EFCAB8: variants seen among roughly 807,000 people sequenced by gnomAD.
The protein encoded by EFCAB8 is EF-hand calcium binding domain 8.
In EFCAB8, 100 loss-of-function variants were observed where a neutral mutation model predicts 116.3. The observed-to-expected ratio is 0.86, with a 90% CI of 0.73 to 1.02. EFCAB8 has a LOEUF of 1.02. Ranked by LOEUF, EFCAB8 falls within the 50% of genes least tolerant of loss-of-function variation. The pLI, the probability that EFCAB8 is intolerant of heterozygous loss-of-function variation, is 0.00. For missense variants in EFCAB8, 1,320 were observed against 1,416.9 expected, an observed-to-expected ratio of 0.93 and a Z score of 1.10; for synonymous variants, 558 against 567.9, an observed-to-expected ratio of 0.98 and a Z score of 0.25.
chr20:32,861,840 A>G (rs1347855832), intron 1 of EFCAB8, among the ~76,000 whole-genome samples: 1 of 152,194 alleles, frequency 6.6e-6, no homozygotes, highest in African/African-American at 2.4e-5. Flanking sequence ...GACTGCTATT[A>G]ATTTTGGAGT....
chr20:32,908,551 T>C, intron 14 of EFCAB8, 139 bp downstream of exon 14: 3 of 931,784 alleles, frequency 3.2e-6, no homozygotes, highest in Non-Finnish European at 4.2e-6. Flanking sequence ...TGGCCTGGCC[T>C]GTGAGGGGCC....
At chr20:32,950,486 G>A (rs945871241) in intron 23 of EFCAB8, among the ~76,000 whole-genome samples, 1 of 152,140 alleles carries the variant, frequency 6.6e-6, no homozygotes, top group Non-Finnish European at 1.5e-5. Context: ...TGAGAGGGGC[G>A]GCTGGCTGAG....
chr20:32,928,170 A>G (rs1338294972), intron 20 of EFCAB8, among the ~76,000 whole-genome samples: 1 of 152,180 alleles, frequency 6.6e-6, no homozygotes, highest in Non-Finnish European at 1.5e-5. Context: ...ACTATTGTCA[A>G]TGGAATTATT....
chr20:32,912,877 C>CATGTA lies in EFCAB8; in HGVS notation c.1856+14_1856+18dup. 1.4e-6 allele frequency: 1 copy of CATGTA among 718,486 alleles called. No individual in the cohort carries two copies. Among genetic ancestry groups the CATGTA allele is most frequent in the South Asian group, 1.5e-5 (1 of 67,508 alleles). 44.5% of individuals were successfully genotyped at this position (718,486 alleles called of 1,614,324 possible). Reference sequence around the variant, plus strand: ...TCACTCATTTCCTGTGAGTAGAAAGCATGTATGGTGAGTAGGTTCCAGTAG... The same window carrying CATGTA: ...TCACTCATTTCCTGTGAGTAGAAAGCATGTAATGTATGGTGAGTAGGTTCCAGTAG... On this transcript the variant is annotated intron_variant, in intron 17 of 26. Transcript: ENST00000400522.
intron 7 of EFCAB8, among the ~76,000 whole-genome samples, chr20:32,890,036 G>C (rs1020776834): frequency 3.4e-5 from 5 of 147,350 alleles, no homozygotes; most frequent in Admixed American, 6.8e-5. Context: ...CCTGCATGCC[G>C]CGCTTCCCTG....
chr20:32,891,295 G>A (rs1985899664), intron 7 of EFCAB8, among the ~76,000 whole-genome samples: 1 of 152,124 alleles, frequency 6.6e-6, no homozygotes, highest in Non-Finnish European at 1.5e-5. Context: ...ATTCTGGTTC[G>A]ATGATGGGCT....
At chr20:32,959,084 C>G (rs143275613) in intron 24 of EFCAB8, among the ~76,000 whole-genome samples, 210 of 152,310 alleles carry the variant, frequency 1.4e-3, no homozygotes, top group African/African-American at 4.7e-3. Context: ...CTGGTTCATT[C>G]AAGAAAATGT....
intron 2 of EFCAB8, among the ~76,000 whole-genome samples, chr20:32,865,894 A>C (rs564134763): frequency 6.6e-6 from 1 of 151,924 alleles, no homozygotes; most frequent in South Asian, 2.1e-4. Flanking sequence ...AGTGGTGGTC[A>C]TTGTACTTGT....
intron 1 of EFCAB8, 107 bp from the exon 2 acceptor site, chr20:32,863,676 C>G: frequency 9.0e-7 from 1 of 1,105,134 alleles, no homozygotes. Context: ...GCCACCCTCT[C>G]CCTTGACCTT....
chr20:32,927,444 C>T (rs1362649756), intron 20 of EFCAB8, among the ~76,000 whole-genome samples: 2 of 152,022 alleles, frequency 1.3e-5, no homozygotes, highest in African/African-American at 4.8e-5. Flanking sequence ...TCCCAAGTAC[C>T]AGCAATTCTT....
chr20:32,912,905 G>A lies in EFCAB8; in HGVS notation c.1856+41G>A, dbSNP rs755277723. ...GTATGGTGAGTAGGTTCCAGTAGCT[G>A]CGTGTTCTCTCTCCAGATGGGTTCC... On this transcript the variant is annotated intron_variant, in intron 17 of 26. Transcript: ENST00000400522. 1.1e-5 allele frequency: 8 copies of A among 713,632 alleles called. No homozygotes were observed. In the South Asian group the frequency reaches 1.2e-4, roughly 11 times the overall value. 44.2% of individuals were successfully genotyped at this position (713,632 alleles called of 1,614,324 possible).
At chr20:32,868,501 G>A (rs1385591192) in intron 3 of EFCAB8, among the ~76,000 whole-genome samples, 1 of 152,206 alleles carries the variant, frequency 6.6e-6, no homozygotes, top group Non-Finnish European at 1.5e-5. Context: ...TGTAACCACT[G>A]TTAGCATTTT....
chr20:32,908,520 T>A, intron 14 of EFCAB8, 108 bp downstream of exon 14: 1 of 1,157,476 alleles, frequency 8.6e-7, no homozygotes, highest in Non-Finnish European at 1.1e-6. Flanking sequence ...CTCCTGGGAC[T>A]GCTGAAGCGG....
At chr20:32,903,263 G>A (rs1426233004) in intron 11 of EFCAB8, among the ~76,000 whole-genome samples, 2 of 152,188 alleles carry the variant, frequency 1.3e-5, no homozygotes, top group Non-Finnish European at 2.9e-5. Flanking sequence ...TGGGCTCCCC[G>A]GGGCTGACTC....
At chr20:32,961,097 C>T in intron 26 of EFCAB8, 39 bp from the exon 27 acceptor site, 1 of 1,524,252 alleles carries the variant, frequency 6.6e-7, no homozygotes, top group Non-Finnish European at 8.9e-7. Context: ...CCGGCTCCAA[C>T]TGGTGCCCCA....
chr20:32,926,520 T>A (rs1158333545), intron 20 of EFCAB8, among the ~76,000 whole-genome samples: 1 of 149,410 alleles, frequency 6.7e-6, no homozygotes, highest in East Asian at 1.9e-4. Context: ...TCTTTTTTTT[T>A]TTATTATACT....
intron 10 of EFCAB8, among the ~76,000 whole-genome samples, chr20:32,896,939 A>C (rs1407457647): frequency 6.6e-6 from 1 of 152,200 alleles, no homozygotes; most frequent in African/African-American, 2.4e-5. Context: ...CATGGCCGTC[A>C]GGACGTGAGG....
intron 6 of EFCAB8, among the ~76,000 whole-genome samples, chr20:32,888,260 C>G: frequency 6.6e-6 from 1 of 152,116 alleles, no homozygotes; most frequent in Non-Finnish European, 1.5e-5. Context: ...GAGTCTTGCT[C>G]TGTCACCCGG....
At chr20:32,876,662 G>T (rs185416260) in intron 4 of EFCAB8, among the ~76,000 whole-genome samples, 1 of 152,226 alleles carries the variant, frequency 6.6e-6, no homozygotes, top group East Asian at 1.9e-4. Flanking sequence ...TATGGGGTAG[G>T]TGCTATTACT....
Sources: allele counts gnomAD v4.1 joint callset (sites outside exome capture counted in the v4.1 genomes callset), GRCh38; gene constraint gnomAD v4.1.1; transcripts MANE v1.5; gene names NCBI Gene and HGNC (gene_info 2026-07-23, HGNC 2026-07-21).